The following FAM193A variants were observed in gnomAD, a reference collection of about 807,000 sequenced individuals.
FAM193A encodes the protein family with sequence similarity 193 member A, also known as protein FAM193A.
A neutral mutation model predicts 126.5 loss-of-function variants in FAM193A; 22 were observed. The ratio of observed to expected loss-of-function variants is 0.17; its 90% CI spans 0.12 to 0.25. The LOEUF is 0.25. Ranked by LOEUF, FAM193A falls within the 10% of genes least tolerant of loss-of-function variation. The pLI, the probability that FAM193A is intolerant of heterozygous loss-of-function variation, is 1.00. For missense variants in FAM193A, 1,675 were observed against 1,672.8 expected, an observed-to-expected ratio of 1.00 and a Z score of -0.02; for synonymous variants, 761 against 646.8, an observed-to-expected ratio of 1.18 and a Z score of -2.68.
intron 5 of FAM193A, 71 bp downstream of exon 5, chr4:2,631,240 C>G: frequency 2.1e-6 from 3 of 1,453,428 alleles, no homozygotes; most frequent in Non-Finnish European, 2.8e-6. Flanking sequence ...GAGGAAGCTT[C>G]TCACGCATGT....
At chr4:2,604,669 G>A (rs1167694484) in intron 2 of FAM193A, among the ~76,000 whole-genome samples, 1 of 150,250 alleles carries the variant, frequency 6.7e-6, no homozygotes, top group Non-Finnish European at 1.5e-5. Context: ...TTGCACATCT[G>A]CACATCCTTT....
intron 1 of FAM193A, among the ~76,000 whole-genome samples, chr4:2,543,281 G>T (rs1010403181): frequency 6.6e-6 from 1 of 151,776 alleles, no homozygotes; most frequent in South Asian, 2.1e-4. Flanking sequence ...TAGAGACAGG[G>T]TTTCATCATG....
intron 20 of FAM193A, among the ~76,000 whole-genome samples, chr4:2,727,201 A>G (rs1212760482): frequency 6.6e-6 from 1 of 151,816 alleles, no homozygotes; most frequent in South Asian, 2.1e-4. Context: ...GGAGGTTGCA[A>G]TGAGCCGAGA....
chr4:2,670,847 T>C (rs1713707554), intron 12 of FAM193A, among the ~76,000 whole-genome samples: 1 of 152,244 alleles, frequency 6.6e-6, no homozygotes, highest in Non-Finnish European at 1.5e-5. Flanking sequence ...TTTTGCATTA[T>C]CATTTTTTCC....
intron 13 of FAM193A, among the ~76,000 whole-genome samples, chr4:2,682,316 T>C (rs929371204): frequency 1.3e-5 from 2 of 152,082 alleles, no homozygotes; most frequent in Non-Finnish European, 2.9e-5. Context: ...TGTAGACATG[T>C]ATAGTTGTGT....
At chr4:2,657,518 A>G (rs1711856434) in intron 7 of FAM193A, among the ~76,000 whole-genome samples, 1 of 152,206 alleles carries the variant, frequency 6.6e-6, no homozygotes, top group Admixed American at 6.5e-5. Context: ...TAAATAGTGA[A>G]TGTTCATCCA....
intron 1 of FAM193A, among the ~76,000 whole-genome samples, chr4:2,545,606 G>A (rs1322568968): frequency 6.6e-6 from 1 of 152,064 alleles, no homozygotes; most frequent in Non-Finnish European, 1.5e-5. Context: ...ACTTTAGTGG[G>A]TACTGCCTGA....
At chr4:2,686,823 T>C (rs1047989743) in intron 13 of FAM193A, among the ~76,000 whole-genome samples, 1 of 152,202 alleles carries the variant, frequency 6.6e-6, no homozygotes, top group Non-Finnish European at 1.5e-5. Flanking sequence ...GCTTCTGCCT[T>C]TTACAAGAAG....
chr4:2,659,843 A>T lies in FAM193A; in HGVS notation c.1534A>T (p.Ile512Phe). Residue 512 changes from isoleucine to phenylalanine, a missense_variant, in exon 10 of 21, where the codon ATC becomes TTC. Physicochemically the swap from Ile to Phe is conservative, Grantham distance 21 (BLOSUM62 0). Around this residue, in one of 4 missense-constraint regions of FAM193A, gnomAD observed 1,186 missense variants for 1,109.2 expected, o/e 1.07. Transcript: ENST00000637812. ...CACDDCSLSH[I>F]LTCGIMDPPV... ...TTGCGATGACTGCAGTCTCTCACAC[A>T]TCCTCACGTGTGGTATCATGGACCC... 1 of 1,614,018 alleles carries T rather than the reference A, an allele frequency of 6.2e-7. No homozygotes were observed. The highest frequency in any genetic ancestry group is 8.5e-7 in the Non-Finnish European group (1 of 1,179,958).
At chr4:2,583,021 T>C (rs1262434931) in intron 1 of FAM193A, among the ~76,000 whole-genome samples, 2 of 152,156 alleles carry the variant, frequency 1.3e-5, no homozygotes, top group Non-Finnish European at 2.9e-5. Context: ...CAGGCTGGAG[T>C]GCAGTGGCAC....
Position 2,700,176 on chromosome 4 carries a change from A to G in FAM193A, c.4004A>G (p.Asn1335Ser), listed in dbSNP as rs770132005. The stretch of plus-strand genomic sequence containing the variant: ...ATCATGCAGCACCATAAAGAAGGAA[A>G]TGGCAAGCAGAAGCTGAGGCAGACC... ...FDIMQHHKEGNGKQKLRQTSK... is the reference protein window; with the variant it reads ...FDIMQHHKEGSGKQKLRQTSK... The change falls in exon 19 of 21, where the codon AAT becomes AGT. Residue 1335 changes from asparagine (N) to serine (S), a missense_variant. Transcript: ENST00000637812. 3 of 1,613,556 alleles carry G rather than the reference A, an allele frequency of 1.9e-6. No homozygotes were observed. In the African/African-American group the frequency reaches 4.0e-5, roughly 22 times the overall value.
intron 6 of FAM193A, among the ~76,000 whole-genome samples, chr4:2,644,338 G>A (rs189178478): frequency 1.3e-5 from 2 of 152,224 alleles, no homozygotes; most frequent in African/African-American, 4.8e-5. Context: ...GTATAATGCC[G>A]CATCCCAACG....
chr4:2,721,071 T>C (rs1488341983), intron 20 of FAM193A, among the ~76,000 whole-genome samples: 1 of 151,914 alleles, frequency 6.6e-6, no homozygotes, highest in Non-Finnish European at 1.5e-5. Flanking sequence ...CCCAGCACTT[T>C]GGGAGGCCGA....
chr4:2,631,246 C>T, intron 5 of FAM193A, 77 bp downstream of exon 5: 2 of 1,396,780 alleles, frequency 1.4e-6, no homozygotes, highest in Non-Finnish European at 2.0e-6. Flanking sequence ...GCTTCTCACG[C>T]ATGTGTGCCG....
intron 13 of FAM193A, among the ~76,000 whole-genome samples, chr4:2,675,461 G>A (rs534956676): frequency 6.6e-6 from 1 of 152,114 alleles, no homozygotes; most frequent in South Asian, 2.1e-4. Context: ...GAATTGTTAC[G>A]TCGTCTTGGA....
intron 1 of FAM193A, among the ~76,000 whole-genome samples, chr4:2,581,255 CT>C (rs34915273): frequency 0.076 from 10,328 of 135,764 alleles, 538 homozygotes; most frequent in African/African-American, 0.18. Flanking sequence ...TTCTTTCTTT[CT>C]TTTTTTTTTT....
chr4:2,659,756 C>T, intron 9 of FAM193A, 56 bp from the exon 10 acceptor site: 6 of 1,613,558 alleles, frequency 3.7e-6, no homozygotes, highest in African/African-American at 2.7e-5. Flanking sequence ...CCTTAGAGAG[C>T]ATGGTCTAGT....
chr4:2,717,332 C>T (rs773354786), intron 20 of FAM193A, among the ~76,000 whole-genome samples: 5 of 152,168 alleles, frequency 3.3e-5, no homozygotes, highest in Admixed American at 2.6e-4. Flanking sequence ...GTGGCTCACA[C>T]CTGTAATCCC....
Position 2,732,089 on chromosome 4 carries a change from T to C in FAM193A, c.*221T>C. The C allele has an allele frequency of 1.8e-6, 1 of 570,496 alleles. No homozygotes were observed. Among genetic ancestry groups the C allele is most frequent in the Non-Finnish European group, 3.2e-6 (1 of 316,636 alleles). 35.3% of individuals were successfully genotyped at this position (570,496 alleles called of 1,614,324 possible). ...GACTCCTTCGATTGTAGCTCTGTGC[T>C]GTCGGATTGGAACAGTAGTTCCCGC... On this transcript the variant is annotated 3_prime_UTR_variant, in exon 21 of 21. Transcript: ENST00000637812.
Sources: allele counts gnomAD v4.1 joint callset (sites outside exome capture counted in the v4.1 genomes callset), GRCh38; gene constraint gnomAD v4.1.1; regional missense constraint gnomAD v4.1.1; transcripts MANE v1.5; gene names NCBI Gene and HGNC (gene_info 2026-07-23, HGNC 2026-07-21).